BBS2: variants seen among roughly 807,000 people sequenced by gnomAD.
BBS2 encodes the protein BBSome complex member BBS2.
BBS2 carries 62 observed loss-of-function variants against 83.0 expected under a neutral mutation model. That is an observed-to-expected ratio of 0.75 (90% confidence interval 0.61 to 0.92). The LOEUF (loss-of-function observed/expected upper bound fraction) is 0.92. Ranked by LOEUF, BBS2 falls within the 40% of genes least tolerant of loss-of-function variation. BBS2 has a pLI of 0.00. For missense variants in BBS2, 784 were observed against 901.0 expected (o/e 0.87, Z 1.66); for synonymous variants, 303 against 326.1 (o/e 0.93, Z 0.76).
rs749548323 is a variant in BBS2, at chr16:56,470,520, T to A, written c.*176A>T. On this transcript the variant is annotated 3_prime_UTR_variant, in exon 18 of 18. Transcript: ENST00000682047. The stretch of plus-strand genomic sequence containing the variant: ...AGAAAGCTGAGGAGAGTAAGCTTCC[T>A]GAGATATTGAAGGAGTGCATGAAGT... The A allele has an allele frequency of 3.1e-6, 5 of 1,613,002 alleles. No individual in the cohort carries two copies. The African/African-American group carries it at 5.3e-5, about 17-fold the overall frequency.
At position 56,473,359 on chromosome 16, in the gene BBS2, A is replaced by G. The variant is rs76860664; in HGVS notation, c.*1-2664T>C. Among the ~76,000 whole-genome samples, 437 of 152,328 alleles carry G rather than the reference A, an allele frequency of 2.9e-3. 13 individuals carry two copies. In the South Asian group the frequency reaches 0.048, roughly 17 times the overall value. ...GTATACTTTTTAATGCTTGCAATCT[A>G]TTGGATCAGATGACCTTAACCAGTC... On this transcript the variant is annotated intron_variant, in intron 17 of 17. Coordinates refer to the BBS2 transcript ENST00000682047.
chr16:56,512,531 G>A (rs1412568375), intron 2 of BBS2, among the ~76,000 whole-genome samples: 1 of 152,068 alleles, frequency 6.6e-6, no homozygotes, highest in African/African-American at 2.4e-5. Flanking sequence ...TATTTTTGTT[G>A]CTTAGCAACA....
chr16:56,480,352 C>CAAAAAAAAAA (rs1286219655), downstream of BBS2, among the ~76,000 whole-genome samples: 59 of 76,468 alleles, frequency 7.7e-4, 2 homozygotes, highest in African/African-American at 1.7e-3. Context: ...CACACACACA[C>CAAAAAAAAAA]AAAAAAAAAA....
chr16:56,500,830 G>T (rs985455113), intron 11 of BBS2, 24 bp downstream of exon 11: 1 of 1,612,826 alleles, frequency 6.2e-7, no homozygotes, highest in South Asian at 1.1e-5. Flanking sequence ...GTCCTGAAAT[G>T]AACTGTGACT....
chr16:56,490,006 AC>A (rs1963896582), intron 15 of BBS2, among the ~76,000 whole-genome samples: 1 of 144,308 alleles, frequency 6.9e-6, no homozygotes, highest in African/African-American at 2.6e-5. Flanking sequence ...AGTCCCAGCT[AC>A]TCCAGCAGCT....
In BBS2 at chr16:56,501,394, G is replaced by A. The variant is rs1264643575; in HGVS notation, c.1184C>T (p.Thr395Ile). Reference protein sequence around the residue: ...TTLSVSLGNETQTAHTELRIS... With the variant: ...TTLSVSLGNEIQTAHTELRIS... ...GCGTAATTCTGTATGAGCAGTTTGG[G>A]TCTCATTCCCCAGGCTGACTGAGAG... Residue 395 changes from threonine (T) to isoleucine (I), a missense_variant, in exon 10 of 17, where the codon ACC (threonine) becomes ATC (isoleucine). Physicochemically the swap from Thr to Ile is moderately conservative, Grantham distance 89. Coordinates refer to ENST00000245157, the MANE Select transcript of BBS2 (RefSeq NM_031885.5). 1.2e-6 allele frequency: 2 copies of A among 1,614,004 alleles called. No individual in the cohort carries two copies. Among genetic ancestry groups the A allele is most frequent in the African/African-American group, 1.3e-5 (1 of 74,902 alleles).
In BBS2 at chr16:56,500,995, G is replaced by A. The variant is rs771716190; in HGVS notation, c.1256C>T (p.Ala419Val). The change falls in exon 11 of 17, where the codon GCA becomes GTA. Residue 419 changes from alanine to valine, a missense_variant. Transcript: ENST00000245157. Reference sequence around the variant, plus strand: ...GCTTTCACCTGTAAAAATTCCTTCTGCAAAAATCAATACTGCTCGGATGAT... The same window carrying A: ...GCTTTCACCTGTAAAAATTCCTTCTACAAAAATCAATACTGCTCGGATGAT... Reference protein sequence around the residue: ...DTIIRAVLIFAEGIFTGESHV... With the variant: ...DTIIRAVLIFVEGIFTGESHV... 19 of 1,613,980 alleles carry A rather than the reference G, an allele frequency of 1.2e-5. No homozygotes were observed. In the East Asian group the frequency reaches 4.0e-4, roughly 34 times the overall value.
chr16:56,472,080 G>C (rs1171320765), intron 17 of BBS2, among the ~76,000 whole-genome samples: 5 of 152,014 alleles, frequency 3.3e-5, no homozygotes, highest in Non-Finnish European at 7.4e-5. Context: ...TTCTGCCTCA[G>C]TATCCCAAGT....
At chr16:56,515,496 T>C (rs1283650346) in intron 1 of BBS2, among the ~76,000 whole-genome samples, 2 of 152,160 alleles carry the variant, frequency 1.3e-5, no homozygotes, top group Admixed American at 6.5e-5. Flanking sequence ...GAAAATTTTC[T>C]TGGTCTAAAA....
At chr16:56,475,664 C>G (rs577952796) in intron 17 of BBS2, 1 of 929,088 alleles carries the variant, frequency 1.1e-6, no homozygotes, top group African/African-American at 1.6e-5. Flanking sequence ...GTGTCTTTAG[C>G]TAATAAATCT....
intron 12 of BBS2, chr16:56,499,444 C>G (rs1964199840): frequency 5.9e-6 from 2 of 337,612 alleles, no homozygotes; most frequent in South Asian, 5.1e-5. Context: ...GTTCTTAGCT[C>G]CAAGTCCCAC....
chr16:56,482,215 T>TA (rs1169608756), downstream of BBS2, among the ~76,000 whole-genome samples: 1 of 152,158 alleles, frequency 6.6e-6, no homozygotes, highest in African/African-American at 2.4e-5. Context: ...TGGTATAAAT[T>TA]AGACTATGGT....
rs577258738 is a variant in BBS2 at position 56,493,162 on chromosome 16, G to A, written c.1910+3805C>T. ...AGCACTTTGGGAAGCCAAGGTGGGAGGATCAGTAGATCCCATGAGTTCAAG... is the reference window on the plus strand; with the variant it reads ...AGCACTTTGGGAAGCCAAGGTGGGAAGATCAGTAGATCCCATGAGTTCAAG... On this transcript the variant is annotated intron_variant, in intron 15 of 16. Transcript: ENST00000245157. Among the ~76,000 whole-genome samples the A allele has an allele frequency of 4.8e-4, 73 of 152,082 alleles. 1 individual carries two copies. Among genetic ancestry groups the A allele is most frequent in the African/African-American group, 1.6e-3 (68 of 41,504 alleles).
At chr16:56,511,729 T>A (rs902124089) in intron 2 of BBS2, among the ~76,000 whole-genome samples, 5 of 152,178 alleles carry the variant, frequency 3.3e-5, no homozygotes, top group Non-Finnish European at 7.3e-5. Flanking sequence ...ATTGGTTCTG[T>A]TTCTCTGGAG....
At chr16:56,512,115 G>C (rs1040344139) in intron 2 of BBS2, among the ~76,000 whole-genome samples, 1 of 152,106 alleles carries the variant, frequency 6.6e-6, no homozygotes, top group Non-Finnish European at 1.5e-5. Context: ...ATGATTATCA[G>C]GGAAATGCAA....
intron 17 of BBS2, chr16:56,476,232 T>C (rs759210774): frequency 1.6e-5 from 26 of 1,597,662 alleles, no homozygotes; most frequent in Non-Finnish European, 2.0e-5. Flanking sequence ...TGAACAAAAA[T>C]GTGACCCTTC....
At chr16:56,514,314 CA>C in intron 2 of BBS2, 138 bp downstream of exon 2, 1 of 805,142 alleles carries the variant, frequency 1.2e-6, no homozygotes. Context: ...ATGTTAACAG[CA>C]AAATCTCCAT....
At chr16:56,497,238 A>G in intron 14 of BBS2, 159 bp from the exon 15 acceptor site, 1 of 677,774 alleles carries the variant, frequency 1.5e-6, no homozygotes, top group Non-Finnish European at 2.7e-6. Context: ...CTGTCTCAAC[A>G]AGTTAACTCA....
In BBS2 at chr16:56,506,003, C is replaced by A; in HGVS notation, c.751G>T (p.Asp251Tyr). 2 of 1,613,942 alleles carry A rather than the reference C, an allele frequency of 1.2e-6. No homozygotes were observed. The highest frequency in any genetic ancestry group is 2.2e-5 in the South Asian group (2 of 91,006). The change falls in exon 7 of 17, where the codon GAC (aspartate) becomes TAC (tyrosine). Residue 251 changes from aspartate (D) to tyrosine (Y), a missense_variant. Physicochemically the swap from Asp to Tyr is radical, Grantham distance 160 (BLOSUM62 -3). Transcript: ENST00000245157. ...KNHAMSIHAF[D>Y]LNSDGVNELI... is the part of the protein sequence containing the mutation. The stretch of plus-strand genomic sequence containing the variant: ...TCATTCACTCCATCAGAATTAAGGT[C>A]AAAAGCATGAATGCTCATGGCATGA...
Sources: allele counts gnomAD v4.1 joint callset (sites outside exome capture counted in the v4.1 genomes callset), GRCh38; gene constraint gnomAD v4.1.1; transcripts MANE v1.5; gene names NCBI Gene and HGNC (gene_info 2026-07-23, HGNC 2026-07-21).